GPC5: variants seen among roughly 807,000 people sequenced by gnomAD.
The protein encoded by GPC5 is glypican-5.
Under a neutral mutation model 53.9 loss-of-function variants are expected in GPC5, and 47 were observed. That is an observed-to-expected ratio of 0.87 (90% confidence interval 0.69 to 1.11). The LOEUF is 1.11. GPC5 is among the 50% of genes most tolerant of loss of function. The pLI is 0.00. For missense variants in GPC5, 748 were observed against 713.1 expected (o/e 1.05, Z -0.56); for synonymous variants, 286 against 263.3 (o/e 1.09, Z -0.84).
At chr13:92,484,718 A>G (rs528662874) in intron 7 of GPC5, 2 of 152,166 alleles carry the variant, frequency 1.3e-5, no homozygotes, top group African/African-American at 4.8e-5. Flanking sequence ...TGTGCCTTGA[A>G]TAGAATTTTT....
At chr13:92,356,159 T>A (rs1482698035) in intron 7 of GPC5, among the ~76,000 whole-genome samples, 2 of 152,206 alleles carry the variant, frequency 1.3e-5, no homozygotes, top group East Asian at 1.9e-4. Context: ...CAATTTAATT[T>A]ATTTGTTTGT....
rs906089141 is a variant in GPC5, at chr13:91,728,435, C to A, written c.1021-97C>A. Reference sequence around the variant, plus strand: ...TTTAAGATTAATATTGAGGTGAAAGCAAAAACGTGTCATTGTTTTGGGCCC... The same window carrying A: ...TTTAAGATTAATATTGAGGTGAAAGAAAAAACGTGTCATTGTTTTGGGCCC... On this transcript the variant is annotated intron_variant, in intron 3 of 7. Transcript: ENST00000377067. The A allele has an allele frequency of 1.3e-5, 15 of 1,182,032 alleles. No individual in the cohort carries two copies. The African/African-American group carries it at 2.2e-4, about 17-fold the overall frequency. The allele number at this position is 1,182,032 out of a possible 1,614,324, so 73.2% of individuals were successfully genotyped here.
intron 6 of GPC5, among the ~76,000 whole-genome samples, chr13:92,072,569 A>T (rs1463448651): frequency 1.7e-4 from 18 of 103,974 alleles, no homozygotes; most frequent in African/African-American, 5.9e-4. Flanking sequence ...TGGCCACTAA[A>T]TTTTTTTTTT....
chr13:91,883,771 T>A (rs2039292652), intron 5 of GPC5, among the ~76,000 whole-genome samples: 2 of 152,118 alleles, frequency 1.3e-5, no homozygotes, highest in Admixed American at 1.3e-4. Context: ...ATTGAAAGAT[T>A]TTTTTTATTT....
chr13:91,879,200 T>C (rs544937225), intron 5 of GPC5, among the ~76,000 whole-genome samples: 48 of 152,292 alleles, frequency 3.2e-4, no homozygotes, highest in Admixed American at 1.2e-3. Context: ...AGGTTTGTTA[T>C]ATAGGTATAC....
At chr13:92,076,272 G>T (rs1419882317) in intron 6 of GPC5, among the ~76,000 whole-genome samples, 1 of 152,004 alleles carries the variant, frequency 6.6e-6, no homozygotes, top group Non-Finnish European at 1.5e-5. Flanking sequence ...AGTAGAGACG[G>T]GGTTTCACCG....
At chr13:92,584,876 C>G (rs780342856) in intron 7 of GPC5, among the ~76,000 whole-genome samples, 56 of 152,092 alleles carry the variant, frequency 3.7e-4, no homozygotes, top group Non-Finnish European at 7.2e-4. Context: ...AAGGTGGAAG[C>G]CCGAAGCCTT....
At chr13:92,762,795 T>C (rs1875238932) in intron 7 of GPC5, among the ~76,000 whole-genome samples, 1 of 152,098 alleles carries the variant, frequency 6.6e-6, no homozygotes, top group African/African-American at 2.4e-5. Flanking sequence ...TATTGGGTAA[T>C]TTCAAAAGAC....
Position 91,693,515 on chromosome 13 carries a change from C to A in GPC5, c.654C>A (p.Ser218=). The A allele has an allele frequency of 6.2e-7, 1 of 1,614,062 alleles. No homozygotes were observed. The highest frequency in any genetic ancestry group is 8.5e-7 in the Non-Finnish European group (1 of 1,180,014). Residue 218 remains serine (S), a synonymous_variant, in exon 3 of 8, where the codon TCC becomes TCA. Transcript: ENST00000377067. ...PQRVMGQMGR[S]LLPSRTFLQA... ...GAGTAATGGGACAGATGGGGAGGTCCCTGCTGCCCAGCCGCACTTTTCTGC... is the reference window on the plus strand; with the variant it reads ...GAGTAATGGGACAGATGGGGAGGTCACTGCTGCCCAGCCGCACTTTTCTGC...
chr13:91,996,576 C>T (rs1156340732), intron 6 of GPC5: 4 of 152,214 alleles, frequency 2.6e-5, no homozygotes, highest in Middle Eastern at 3.4e-3. Context: ...TAAAATATAG[C>T]TAAATTAATT....
At chr13:92,267,085 C>A (rs1301426107) in intron 7 of GPC5, among the ~76,000 whole-genome samples, 1 of 151,908 alleles carries the variant, frequency 6.6e-6, no homozygotes, top group Non-Finnish European at 1.5e-5. Context: ...TTCTTCTGCA[C>A]AATTCATTTC....
chr13:92,533,539 GT>G (rs1274353886), intron 7 of GPC5, among the ~76,000 whole-genome samples: 1 of 148,726 alleles, frequency 6.7e-6, no homozygotes, highest in Non-Finnish European at 1.5e-5. Flanking sequence ...ATATAAGCAT[GT>G]TTTTTTACAT....
At chr13:92,502,773 C>T (rs146119666) in intron 7 of GPC5, among the ~76,000 whole-genome samples, 2 of 152,124 alleles carry the variant, frequency 1.3e-5, no homozygotes, top group African/African-American at 4.8e-5. Flanking sequence ...ATTCTTTTCT[C>T]AGTAGCTGAT....
chr13:92,409,464 C>T, intron 7 of GPC5, among the ~76,000 whole-genome samples: 1 of 151,922 alleles, frequency 6.6e-6, no homozygotes, highest in Non-Finnish European at 1.5e-5. Context: ...TGCTATGCCA[C>T]ACTAATATTT....
At chr13:91,756,551 T>C (rs908434118) in intron 5 of GPC5, 131 bp downstream of exon 5, 1 of 753,244 alleles carries the variant, frequency 1.3e-6, no homozygotes, top group Non-Finnish European at 1.9e-6. Flanking sequence ...TTATCTTTAG[T>C]TTGTCAAAAA....
chr13:91,787,014 C>T (rs189136355), intron 5 of GPC5, among the ~76,000 whole-genome samples: 4 of 150,624 alleles, frequency 2.7e-5, no homozygotes, highest in African/African-American at 7.3e-5. Context: ...TTGTTCAATA[C>T]TAGTATACAG....
intron 7 of GPC5, among the ~76,000 whole-genome samples, chr13:92,309,297 C>A (rs1027135666): frequency 1.3e-5 from 2 of 152,008 alleles, no homozygotes; most frequent in African/African-American, 4.8e-5. Flanking sequence ...ATAACTCAGT[C>A]CTGAAATATG....
chr13:92,285,824 G>A (rs1406991956), intron 7 of GPC5, among the ~76,000 whole-genome samples: 2 of 152,146 alleles, frequency 1.3e-5, no homozygotes, highest in Non-Finnish European at 2.9e-5. Flanking sequence ...TCAGGACATA[G>A]GCATGGGCAA....
chr13:92,442,657 AT>A (rs1295980807), intron 7 of GPC5, among the ~76,000 whole-genome samples: 1 of 152,166 alleles, frequency 6.6e-6, no homozygotes, highest in Non-Finnish European at 1.5e-5. Flanking sequence ...TTTAAAGTGA[AT>A]ATTGTCTCCT....
Sources: gnomAD v4.1 joint callset for allele counts (sites outside exome capture counted in the v4.1 genomes callset) on GRCh38, gnomAD v4.1.1 for gene constraint, MANE v1.5 for transcripts, NCBI Gene and HGNC (gene_info 2026-07-23, HGNC 2026-07-21) for gene names.